Variants in PTH2R observed in about 807,000 individuals in gnomAD.
The protein encoded by PTH2R is parathyroid hormone 2 receptor.
PTH2R carries 59 observed loss-of-function variants against 60.3 expected under a neutral mutation model. That is an observed-to-expected ratio of 0.98 (90% CI 0.79 to 1.22). The LOEUF is 1.22. PTH2R is among the 50% of genes most tolerant of loss of function. The pLI is 0.00. For missense variants in PTH2R, 749 were observed against 682.6 expected, an observed-to-expected ratio of 1.10 and a Z score of -1.08; for synonymous variants, 256 against 243.8, an observed-to-expected ratio of 1.05 and a Z score of -0.47.
At chr2:208,461,106 C>T (rs1258479930) in intron 9 of PTH2R, among the ~76,000 whole-genome samples, 1 of 152,088 alleles carries the variant, frequency 6.6e-6, no homozygotes, top group Non-Finnish European at 1.5e-5. Context: ...AAATAAAATA[C>T]AGAACACGTT....
chr2:208,449,828 T>C (rs1702366912), intron 7 of PTH2R, among the ~76,000 whole-genome samples: 1 of 152,196 alleles, frequency 6.6e-6, no homozygotes, highest in South Asian at 2.1e-4. Context: ...TGATAAAAAA[T>C]GTTCTTGGCT....
chr2:208,458,273 C>G (rs1346024957), intron 8 of PTH2R, among the ~76,000 whole-genome samples: 2 of 152,112 alleles, frequency 1.3e-5, no homozygotes, highest in African/African-American at 4.8e-5. Context: ...CAACAGTGAT[C>G]TCTGCCCATG....
intron 1 of PTH2R, among the ~76,000 whole-genome samples, chr2:208,383,195 T>G (rs1181064783): frequency 6.6e-6 from 1 of 152,236 alleles, no homozygotes; most frequent in Non-Finnish European, 1.5e-5. Flanking sequence ...ATATTTTTCT[T>G]TCTTTCTTTT....
chr2:208,465,846 A>T (rs557686374), intron 9 of PTH2R, among the ~76,000 whole-genome samples: 2 of 152,316 alleles, frequency 1.3e-5, no homozygotes, highest in African/African-American at 4.8e-5. Context: ...TGTATGATAA[A>T]AGTGCTACAA....
At chr2:208,402,150 C>G (rs908864187), upstream of PTH2R, among the ~76,000 whole-genome samples, 3 of 152,124 alleles carry the variant, frequency 2.0e-5, no homozygotes, top group African/African-American at 4.8e-5. Flanking sequence ...ATATAAGTCA[C>G]CCAGTTTCTT....
In PTH2R at chr2:208,444,754, T is replaced by C; in HGVS notation, c.720T>C (p.Val240=). The part of the protein sequence containing the change: ...KSQYIGCKIA[V]VMFIYFLATN... ...AATAGATCGGGTGCAAGATTGCTGT[T>C]GTGATGTTTATTTACTTCCTGGCTA... Residue 240 remains valine (V), a synonymous_variant, in exon 7 of 13, where the codon GTT becomes GTC. Transcript: ENST00000272847. 6.2e-7 allele frequency: 1 copy of C among 1,613,926 alleles called. No homozygotes were observed. The highest frequency in any genetic ancestry group is 1.7e-5 in the Admixed American group (1 of 60,006).
intron 1 of PTH2R, among the ~76,000 whole-genome samples, chr2:208,383,670 A>G (rs115572310): frequency 1.8e-3 from 269 of 152,374 alleles, no homozygotes; most frequent in African/African-American, 6.0e-3. Flanking sequence ...AATACATTTT[A>G]TTAAAGTAAT....
chr2:208,408,324 A>G (rs1701460359), intron 1 of PTH2R, among the ~76,000 whole-genome samples: 1 of 152,224 alleles, frequency 6.6e-6, no homozygotes, highest in Admixed American at 6.5e-5. Context: ...ATGCATGGAA[A>G]AAAATTTGGT....
intron 9 of PTH2R, among the ~76,000 whole-genome samples, chr2:208,478,536 C>T (rs1168912241): frequency 1.3e-5 from 2 of 152,176 alleles, no homozygotes; most frequent in Non-Finnish European, 2.9e-5. Flanking sequence ...CTTTTTCCCT[C>T]CCTTTCGGAG....
chr2:208,450,526 T>C (rs566586142), intron 7 of PTH2R, among the ~76,000 whole-genome samples: 1 of 152,210 alleles, frequency 6.6e-6, no homozygotes, highest in Non-Finnish European at 1.5e-5. Context: ...GGCCAGTTTT[T>C]ATCTTCAGAC....
At chr2:208,492,908 T>C (rs13020527) in intron 12 of PTH2R, among the ~76,000 whole-genome samples, 179 of 152,296 alleles carry the variant, frequency 1.2e-3, no homozygotes, top group Non-Finnish European at 2.1e-3. Flanking sequence ...GCGAGAGTTC[T>C]GAAGTTCTCA....
intron 9 of PTH2R, among the ~76,000 whole-genome samples, chr2:208,463,360 C>T (rs1340920230): frequency 6.6e-6 from 1 of 152,078 alleles, no homozygotes; most frequent in Non-Finnish European, 1.5e-5. Flanking sequence ...TTACGGACAA[C>T]CTCTTCAGAC....
chr2:208,444,737 G>A lies in PTH2R; in HGVS notation c.703G>A (p.Gly235Arg). The change falls in exon 7 of 13, where the codon GGG (glycine) becomes AGG (arginine). Residue 235 changes from glycine (G) to arginine (R), a missense_variant. Transcript: ENST00000272847. The stretch of plus-strand genomic sequence containing the variant: ...AATTCTGGTTTATTTGTAATAGATC[G>A]GGTGCAAGATTGCTGTTGTGATGTT... ...ATSVDKSQYI[G>R]CKIAVVMFIY... 2 of 1,612,762 alleles carry A rather than the reference G, an allele frequency of 1.2e-6. No homozygotes were observed. The highest frequency in any genetic ancestry group is 1.1e-5 in the South Asian group (1 of 90,762).
chr2:208,429,554 G>A (rs1420442112), intron 2 of PTH2R, among the ~76,000 whole-genome samples: 1 of 151,878 alleles, frequency 6.6e-6, no homozygotes, highest in African/African-American at 2.4e-5. Flanking sequence ...TAAAACACTA[G>A]TTTCCTTCTT....
At chr2:208,416,022 A>G (rs1701633122) in intron 1 of PTH2R, among the ~76,000 whole-genome samples, 1 of 152,148 alleles carries the variant, frequency 6.6e-6, no homozygotes, top group East Asian at 1.9e-4. Flanking sequence ...AAAGCAAATG[A>G]TTTTAAGGGG....
At chr2:208,465,150 A>G (rs1702718054) in intron 9 of PTH2R, among the ~76,000 whole-genome samples, 1 of 147,532 alleles carries the variant, frequency 6.8e-6, no homozygotes. Context: ...TAATTTTTGT[A>G]TTTTTTGTAG....
At chr2:208,442,169 GGGC>G (rs1378951407) in intron 4 of PTH2R, among the ~76,000 whole-genome samples, 192 bp from the exon 5 acceptor site, 1 of 152,026 alleles carries the variant, frequency 6.6e-6, no homozygotes, top group African/African-American at 2.4e-5. Context: ...GACTAGCAAG[GGGC>G]ACAAATGAAC....
intron 1 of PTH2R, among the ~76,000 whole-genome samples, chr2:208,366,524 T>A (rs1398921540): frequency 6.6e-6 from 1 of 152,206 alleles, no homozygotes; most frequent in Non-Finnish European, 1.5e-5. Context: ...GAGGTAATCA[T>A]ACTTTTCAAT....
intron 10 of PTH2R, among the ~76,000 whole-genome samples, chr2:208,487,562 G>A (rs1703300149): frequency 6.6e-6 from 1 of 152,196 alleles, no homozygotes; most frequent in African/African-American, 2.4e-5. Flanking sequence ...GAGGGTGCTA[G>A]CTATCTATTG....
Sources: allele counts gnomAD v4.1 joint callset (sites outside exome capture counted in the v4.1 genomes callset), GRCh38; gene constraint gnomAD v4.1.1; transcripts MANE v1.5; gene names NCBI Gene and HGNC (gene_info 2026-07-23, HGNC 2026-07-21).